CCDC170: variants seen among roughly 807,000 people sequenced by gnomAD.
CCDC170 encodes the protein coiled-coil domain containing 170.
A neutral mutation model predicts 72.6 loss-of-function variants in CCDC170; 69 were observed. The ratio of observed to expected loss-of-function variants is 0.95; its 90% confidence interval spans 0.78 to 1.16. CCDC170 has a LOEUF of 1.16. Among genes scored for constraint, CCDC170 ranks in the 50% most tolerant of loss-of-function variants. The probability of loss-of-function intolerance (pLI) is 0.00; values close to 1 mark genes in which losing one functional copy is unlikely to be tolerated. For synonymous variants in CCDC170, 300 were observed against 303.9 expected, an observed-to-expected ratio of 0.99 and a Z score of 0.13; for missense variants, 852 against 832.5, an observed-to-expected ratio of 1.02 and a Z score of -0.29.
intron 9 of CCDC170, among the ~76,000 whole-genome samples, chr6:151,601,055 C>A (rs1228501148): frequency 2.0e-5 from 3 of 152,114 alleles, no homozygotes; most frequent in Non-Finnish European, 4.4e-5. Flanking sequence ...AAAGACATAC[C>A]CGAGACTGGG....
At chr6:151,617,053 G>A (rs1167257514) in intron 10 of CCDC170, among the ~76,000 whole-genome samples, 1 of 152,210 alleles carries the variant, frequency 6.6e-6, no homozygotes, top group Non-Finnish European at 1.5e-5. Context: ...GAGCAAATGA[G>A]CCTGGGGTGG....
chr6:151,508,527 A>G (rs1003699931), intron 1 of CCDC170, among the ~76,000 whole-genome samples: 2 of 151,444 alleles, frequency 1.3e-5, no homozygotes, highest in Non-Finnish European at 2.9e-5. Context: ...GACAAGAACG[A>G]AACTCCATCT....
chr6:151,569,620 G>T (rs1215972491), intron 5 of CCDC170, among the ~76,000 whole-genome samples: 3 of 152,164 alleles, frequency 2.0e-5, no homozygotes, highest in Non-Finnish European at 1.5e-5. Context: ...CTGGCCAGTG[G>T]TACTGATGTC....
rs1030453226 is a variant in CCDC170, at chr6:151,507,835, C to A, written c.57+13650C>A. 2.6e-5 allele frequency among the ~76,000 whole-genome samples: 4 copies of A among 151,290 alleles called. No individual in the cohort carries two copies. In the South Asian group the frequency reaches 8.4e-4, roughly 32 times the overall value. On this transcript the variant is annotated intron_variant, in intron 1 of 10. Coordinates refer to ENST00000239374, the MANE Select transcript of CCDC170 (RefSeq NM_025059.4). ...ACTCGGGAGGCTGAGGCAGGAGAAT[C>A]GCTTGAACCAGGGAGTCGGAGGTTG...
chr6:151,509,927 A>G (rs1326127448), intron 1 of CCDC170, among the ~76,000 whole-genome samples: 1 of 152,124 alleles, frequency 6.6e-6, no homozygotes, highest in Non-Finnish European at 1.5e-5. Flanking sequence ...GTTCCAGACC[A>G]GCCTGGCCAA....
intron 1 of CCDC170, among the ~76,000 whole-genome samples, chr6:151,506,857 A>T (rs7767741): frequency 0.043 from 6,613 of 152,280 alleles, 444 homozygotes; most frequent in African/African-American, 0.14. Flanking sequence ...TTCCCAAGGA[A>T]CAGAGAATTC....
intron 9 of CCDC170, among the ~76,000 whole-genome samples, chr6:151,610,094 CT>C (rs1198726677): frequency 6.6e-6 from 1 of 152,140 alleles, no homozygotes; most frequent in Non-Finnish European, 1.5e-5. Context: ...CACATATTTT[CT>C]TTGTAGCAGT....
Position 151,615,443 on chromosome 6 carries a change from A to G in CCDC170, c.1711A>G (p.Ile571Val). 2.5e-6 allele frequency: 4 copies of G among 1,606,490 alleles called. No individual in the cohort carries two copies. Among genetic ancestry groups the G allele is most frequent in the Non-Finnish European group, 3.4e-6 (4 of 1,174,240 alleles). Reference sequence around the variant, plus strand: ...TATCAGCATTCTCTTGACTTTCTAGATTAAAACTTTGGAACAGACTAAAGC... The same window carrying G: ...TATCAGCATTCTCTTGACTTTCTAGGTTAAAACTTTGGAACAGACTAAAGC... ...AKLADTNELK[I>V]KTLEQTKAIE... Residue 571 changes from isoleucine to valine, a missense_variant and splice_region_variant, in exon 10 of 11, where the codon ATT becomes GTT. Transcript: ENST00000239374.
At chr6:151,570,199 G>A (rs1776198508) in intron 5 of CCDC170, among the ~76,000 whole-genome samples, 2 of 152,156 alleles carry the variant, frequency 1.3e-5, no homozygotes, top group Admixed American at 6.5e-5. Context: ...TAAGTCACAA[G>A]CATCTGAGAT....
At chr6:151,588,845 A>G (rs1554225382) in intron 7 of CCDC170, among the ~76,000 whole-genome samples, 2 of 151,808 alleles carry the variant, frequency 1.3e-5, no homozygotes, top group African/African-American at 2.4e-5. Context: ...GGAGGCTGAG[A>G]TGGGAGGATA....
intron 3 of CCDC170, among the ~76,000 whole-genome samples, chr6:151,544,051 A>G (rs1782735250): frequency 6.6e-6 from 1 of 152,194 alleles, no homozygotes; most frequent in African/African-American, 2.4e-5. Flanking sequence ...TCTCCTTTCC[A>G]GAGGCAAGAA....
chr6:151,552,826 C>T (rs1441678985), intron 5 of CCDC170, among the ~76,000 whole-genome samples: 1 of 115,200 alleles, frequency 8.7e-6, no homozygotes, highest in African/African-American at 3.4e-5. Context: ...GTCTTTCTGT[C>T]TCCAGGCTGG....
chr6:151,520,430 T>C (rs1782299835), intron 1 of CCDC170, among the ~76,000 whole-genome samples: 1 of 152,260 alleles, frequency 6.6e-6, no homozygotes, highest in Non-Finnish European at 1.5e-5. Context: ...ATCTTGTTTG[T>C]AACCTTTAAG....
At position 151,544,655 on chromosome 6, in the gene CCDC170, G is replaced by T. The variant is rs185152535; in HGVS notation, c.527G>T (p.Arg176Leu). The T allele has an allele frequency of 6.2e-7, 1 of 1,613,680 alleles. No homozygotes were observed. The highest frequency in any genetic ancestry group is 2.2e-5 in the East Asian group (1 of 44,864). The change falls in exon 4 of 11, where the codon CGT becomes CTT. Residue 176 changes from arginine (R) to leucine (L), a missense_variant. Physicochemically the swap from Arg to Leu is moderately radical, Grantham distance 102. Coordinates refer to ENST00000239374, the MANE Select transcript of CCDC170 (RefSeq NM_025059.4). ...RKHEEFLTQLRDCLDPDERND... is the reference protein window; with the variant it reads ...RKHEEFLTQLLDCLDPDERND... ...CATGAGGAATTTCTGACTCAACTGC[G>T]TGACTGCTTGGATCCAGATGAGAGG...
intron 1 of CCDC170, among the ~76,000 whole-genome samples, chr6:151,508,547 C>CA (rs1165291065): frequency 1.3e-5 from 2 of 149,474 alleles, no homozygotes; most frequent in African/African-American, 2.5e-5. Context: ...TGAAAAAAAC[C>CA]AAAAAAACCC....
intron 9 of CCDC170, among the ~76,000 whole-genome samples, chr6:151,614,555 A>T (rs1776927057): frequency 6.6e-6 from 1 of 151,924 alleles, no homozygotes; most frequent in Non-Finnish European, 1.5e-5. Flanking sequence ...CCTGGGTTCA[A>T]GCAATTCTCC....
intron 6 of CCDC170, among the ~76,000 whole-genome samples, chr6:151,578,962 A>C (rs771914648): frequency 2.0e-5 from 3 of 152,118 alleles, no homozygotes; most frequent in Non-Finnish European, 4.4e-5. Context: ...AGTGAATTAA[A>C]TCTTTTAGGG....
intron 5 of CCDC170, among the ~76,000 whole-genome samples, chr6:151,556,977 T>C (rs1432385431): frequency 6.6e-6 from 1 of 152,190 alleles, no homozygotes; most frequent in Admixed American, 6.5e-5. Context: ...AGTGAGAACA[T>C]GTGATATTTG....
chr6:151,608,132 A>C (rs1223006871), intron 9 of CCDC170, among the ~76,000 whole-genome samples: 3 of 151,996 alleles, frequency 2.0e-5, no homozygotes, highest in Non-Finnish European at 2.9e-5. Context: ...AATGTTTTTA[A>C]TTTTATTAAT....
Sources: allele counts gnomAD v4.1 joint callset (sites outside exome capture counted in the v4.1 genomes callset), GRCh38; gene constraint gnomAD v4.1.1; transcripts MANE v1.5; gene names NCBI Gene and HGNC (gene_info 2026-07-23, HGNC 2026-07-21).